Variants in ERBB4 observed in about 807,000 individuals in gnomAD.
The protein encoded by ERBB4 is erb-b2 receptor tyrosine kinase 4.
ERBB4 carries 42 observed loss-of-function variants against 158.0 expected under a neutral mutation model. That is an observed-to-expected ratio of 0.27 (90% CI 0.21 to 0.34). The LOEUF is 0.34. ERBB4 is among the 10% of genes least tolerant of loss of function. The pLI, the probability that ERBB4 is intolerant of heterozygous loss-of-function variation, is 1.00. For synonymous variants in ERBB4, 583 were observed against 558.7 expected (o/e 1.04, Z -0.61); for missense variants, 1,333 against 1,624.1 (o/e 0.82, Z 3.08).
chr2:211,950,199 C>A (rs2125145961), intron 2 of ERBB4, among the ~76,000 whole-genome samples: 1 of 152,260 alleles, frequency 6.6e-6, no homozygotes, highest in African/African-American at 2.4e-5. Flanking sequence ...TTCCCCAGTT[C>A]CATCCCCAGA....
At chr2:212,086,570 G>A (rs1161172482) in intron 2 of ERBB4, among the ~76,000 whole-genome samples, 1 of 151,726 alleles carries the variant, frequency 6.6e-6, no homozygotes, top group Non-Finnish European at 1.5e-5. Flanking sequence ...GGTAATCAAG[G>A]CCCAGAGTGG....
intron 2 of ERBB4, among the ~76,000 whole-genome samples, chr2:211,969,772 T>C (rs1182873143): frequency 6.6e-6 from 1 of 152,048 alleles, no homozygotes. Flanking sequence ...CTGTGTTTAT[T>C]TGAATTTTCT....
intron 1 of ERBB4, among the ~76,000 whole-genome samples, chr2:212,151,643 C>T (rs939240127): frequency 3.3e-5 from 5 of 151,818 alleles, no homozygotes; most frequent in African/African-American, 7.3e-5. Context: ...AATCCCAGCA[C>T]TTTGGGAGGC....
intron 12 of ERBB4, among the ~76,000 whole-genome samples, chr2:211,680,745 A>T (rs1369565306): frequency 6.6e-6 from 1 of 152,130 alleles, no homozygotes; most frequent in South Asian, 2.1e-4. Context: ...CTGTGTAAAA[A>T]TTTTTTAAAG....
chr2:211,781,586 A>G (rs547851613), intron 4 of ERBB4, among the ~76,000 whole-genome samples: 1 of 152,362 alleles, frequency 6.6e-6, no homozygotes, highest in African/African-American at 2.4e-5. Flanking sequence ...ATGTAGAAAC[A>G]TAGTTAAATG....
At chr2:212,072,484 A>G (rs760607283) in intron 2 of ERBB4, among the ~76,000 whole-genome samples, 15 of 152,000 alleles carry the variant, frequency 9.9e-5, no homozygotes, top group Non-Finnish European at 1.9e-4. Flanking sequence ...ACAGCATAAA[A>G]TAGAACTTTC....
rs568418733 is a variant in ERBB4, at chr2:211,768,298, C to T, written c.557-17594G>A. ...CCTCCTGGCTGCTTTCAAGGCCTGG[C>T]ACTGAGTATCTGCAGCTTTTCCAGG... On this transcript the variant is annotated intron_variant, in intron 4 of 27. Transcript: ENST00000342788. 3.5e-4 allele frequency among the ~76,000 whole-genome samples: 53 copies of T among 152,292 alleles called. 1 individual carries two copies. The highest frequency in any genetic ancestry group is 1.3e-3 in the African/African-American group (52 of 41,580).
chr2:211,387,608 A>G (rs2062713152), intron 26 of ERBB4, among the ~76,000 whole-genome samples: 2 of 152,182 alleles, frequency 1.3e-5, no homozygotes, highest in Admixed American at 1.3e-4. Flanking sequence ...AGGCTCTAGT[A>G]CCTAACTAGA....
At chr2:212,148,157 T>TA (rs1434514868) in intron 1 of ERBB4, among the ~76,000 whole-genome samples, 3 of 151,910 alleles carry the variant, frequency 2.0e-5, no homozygotes, top group African/African-American at 7.2e-5. Context: ...TTTTTTTTTT[T>TA]ATTCAGAGTG....
At chr2:211,680,447 CA>C (rs2072287683) in intron 12 of ERBB4, among the ~76,000 whole-genome samples, 1 of 152,124 alleles carries the variant, frequency 6.6e-6, no homozygotes, top group Non-Finnish European at 1.5e-5. Flanking sequence ...ACATCAAAAT[CA>C]ACTTTATCTT....
chr2:212,213,122 G>T (rs2082989885), intron 1 of ERBB4, among the ~76,000 whole-genome samples: 1 of 151,900 alleles, frequency 6.6e-6, no homozygotes, highest in Non-Finnish European at 1.5e-5. Context: ...TCACTCAAGT[G>T]AACAGGCAAC....
chr2:212,191,974 T>TTATATATGTTA (rs1559706355), intron 1 of ERBB4, among the ~76,000 whole-genome samples: 32 of 105,194 alleles, frequency 3.0e-4, no homozygotes, highest in African/African-American at 6.8e-4. Context: ...ATGTTATATG[T>TTATATATGTTA]TATATATGTT....
chr2:211,879,892 A>G (rs1003319652), intron 3 of ERBB4, among the ~76,000 whole-genome samples: 1 of 151,844 alleles, frequency 6.6e-6, no homozygotes, highest in African/African-American at 2.4e-5. Flanking sequence ...GAAGAGAACA[A>G]AACATGCACT....
chr2:211,486,668 T>A (rs977718659), intron 20 of ERBB4, among the ~76,000 whole-genome samples: 1 of 152,046 alleles, frequency 6.6e-6, no homozygotes, highest in African/African-American at 2.4e-5. Flanking sequence ...ACTATAACCA[T>A]CCATGACCCT....
chr2:212,500,866 A>G (rs934499786), intron 1 of ERBB4, among the ~76,000 whole-genome samples: 15 of 152,196 alleles, frequency 9.9e-5, no homozygotes, highest in Non-Finnish European at 2.9e-5. Context: ...AATGTCCAGT[A>G]GTTCAGAAAA....
At chr2:212,303,594 T>C (rs959881078) in intron 1 of ERBB4, among the ~76,000 whole-genome samples, 4 of 151,574 alleles carry the variant, frequency 2.6e-5, no homozygotes, top group African/African-American at 9.7e-5. Context: ...GAATTACAGT[T>C]TAATTTTGTA....
chr2:211,632,989 T>C (rs1464492145), intron 16 of ERBB4, among the ~76,000 whole-genome samples: 4 of 152,130 alleles, frequency 2.6e-5, no homozygotes, highest in African/African-American at 7.2e-5. Context: ...ATTCTGCCTA[T>C]TCCCACAGAA....
intron 1 of ERBB4, among the ~76,000 whole-genome samples, chr2:212,327,636 G>T (rs2106283243): frequency 6.6e-6 from 1 of 151,834 alleles, no homozygotes; most frequent in Middle Eastern, 3.4e-3. Context: ...GTGGGTCTGG[G>T]GAAGAGGAAG....
intron 1 of ERBB4, among the ~76,000 whole-genome samples, chr2:212,240,637 C>CAAAAAAAAAAAAAAAAAAAAAAAAAA (rs71054188): frequency 3.4e-4 from 12 of 35,792 alleles, no homozygotes; most frequent in African/African-American, 5.4e-4. Context: ...CACTCTGGCT[C>CAAAAAAAAAAAAAAAAAAAAAAAAAA]AAAAAAAAAA....
Sources: allele counts gnomAD v4.1 joint callset (sites outside exome capture counted in the v4.1 genomes callset), GRCh38; gene constraint gnomAD v4.1.1; transcripts MANE v1.5; gene names NCBI Gene and HGNC (gene_info 2026-07-23, HGNC 2026-07-21).